The following DNAI3 variants were observed in gnomAD, a reference collection of about 807,000 sequenced individuals.
DNAI3 encodes dynein axonemal intermediate chain 3.
DNAI3 carries 83 observed loss-of-function variants against 115.5 expected under a neutral mutation model. The ratio of observed to expected loss-of-function variants is 0.72; its 90% CI spans 0.60 to 0.86. The LOEUF is 0.86. Among genes scored for constraint, DNAI3 ranks in the 40% least tolerant of loss-of-function variants. The pLI, the probability that DNAI3 is intolerant of heterozygous loss-of-function variation, is 0.00. For synonymous variants in DNAI3, 320 were observed against 347.0 expected (o/e 0.92, Z 0.86); for missense variants, 1,004 against 1,075.8 (o/e 0.93, Z 0.93).
intron 19 of DNAI3, among the ~76,000 whole-genome samples, chr1:85,124,458 A>G (rs1656074623): frequency 1.3e-5 from 2 of 152,162 alleles, no homozygotes. Context: ...GAGGGGAGAA[A>G]ACAGTTTACA....
intron 7 of DNAI3, among the ~76,000 whole-genome samples, chr1:85,089,745 G>A (rs975067045): frequency 9.9e-5 from 15 of 152,006 alleles, no homozygotes; most frequent in African/African-American, 3.6e-4. Flanking sequence ...GGTGGACACT[G>A]ACTTAGTGAA....
At position 85,085,897 on chromosome 1, in the gene DNAI3, G is replaced by T. The variant is rs1257427432; in HGVS notation, c.607G>T (p.Ala203Ser). Residue 203 changes from alanine to serine, a missense_variant, in exon 7 of 23, where the codon GCT becomes TCT. Ala to Ser is a moderately conservative substitution (Grantham distance 99). This residue lies in a region of DNAI3 where 550 missense variants were observed against 568.1 expected (regional missense o/e 0.97). Transcript: ENST00000294664. ...ACCAATTAAGTTCAGTGACCAGAAT[G>T]CTTCCAGTGTAAAAGATGCCTATAT... ...GAPIKFSDQN[A>S]SSVKDAYIEC... The T allele has an allele frequency of 1.9e-6, 3 of 1,614,190 alleles. No homozygotes were observed. Among genetic ancestry groups the T allele is most frequent in the Non-Finnish European group, 2.5e-6 (3 of 1,180,032 alleles).
chr1:85,072,400 T>G (rs566830110), intron 2 of DNAI3, among the ~76,000 whole-genome samples: 57 of 152,236 alleles, frequency 3.7e-4, no homozygotes, highest in African/African-American at 1.3e-3. Flanking sequence ...TCCCAGCACT[T>G]TGGGAGGCCG....
At chr1:85,110,761 A>G (rs1004563354) in intron 16 of DNAI3, among the ~76,000 whole-genome samples, 8 of 152,214 alleles carry the variant, frequency 5.3e-5, no homozygotes, top group African/African-American at 1.9e-4. Context: ...TACATGCTCA[A>G]AGAATAATGC....
At chr1:85,095,853 A>G in intron 10 of DNAI3, 78 bp from the exon 11 acceptor site, 1 of 1,374,406 alleles carries the variant, frequency 7.3e-7, no homozygotes, top group Non-Finnish European at 1.0e-6. Flanking sequence ...TAGACTTTTA[A>G]CTGTCTTAAT....
intron 5 of DNAI3, among the ~76,000 whole-genome samples, chr1:85,083,173 A>T (rs1654682992): frequency 6.6e-6 from 1 of 152,190 alleles, no homozygotes; most frequent in South Asian, 2.1e-4. Context: ...AAGCAATAAG[A>T]ATAAAGGGAA....
At chr1:85,106,492 A>G (rs952092465) in intron 14 of DNAI3, among the ~76,000 whole-genome samples, 1 of 152,240 alleles carries the variant, frequency 6.6e-6, no homozygotes, top group African/African-American at 2.4e-5. Flanking sequence ...AGATACACAA[A>G]TGGTCAATAA....
chr1:85,132,349 C>G (rs1378544328), intron 22 of DNAI3, among the ~76,000 whole-genome samples: 1 of 152,216 alleles, frequency 6.6e-6, no homozygotes, highest in Non-Finnish European at 1.5e-5. Flanking sequence ...GCACCTGTCT[C>G]TTTGCAAACA....
chr1:85,064,952 G>C (rs1295632430), intron 1 of DNAI3, among the ~76,000 whole-genome samples: 3 of 152,278 alleles, frequency 2.0e-5, no homozygotes, highest in Admixed American at 6.5e-5. Flanking sequence ...AGAATCGCTT[G>C]AACCCGGGAG....
At chr1:85,115,274 A>G (rs901520174) in intron 16 of DNAI3, among the ~76,000 whole-genome samples, 2 of 152,246 alleles carry the variant, frequency 1.3e-5, no homozygotes, top group Non-Finnish European at 2.9e-5. Flanking sequence ...AAGCTCTCAG[A>G]ATAGCACATA....
intron 3 of DNAI3, 50 bp downstream of exon 3, chr1:85,073,142 TA>T: frequency 7.4e-7 from 1 of 1,354,304 alleles, no homozygotes; most frequent in Non-Finnish European, 1.0e-6. Flanking sequence ...TATAATATTT[TA>T]ATAATGCAAT....
intron 7 of DNAI3, among the ~76,000 whole-genome samples, chr1:85,086,464 A>G (rs1183518414): frequency 1.3e-5 from 2 of 152,132 alleles, no homozygotes; most frequent in East Asian, 1.9e-4. Flanking sequence ...AGGATGGCAT[A>G]TGAGGTTCTC....
intron 8 of DNAI3, among the ~76,000 whole-genome samples, chr1:85,092,638 C>G (rs1410411705): frequency 6.6e-6 from 1 of 152,112 alleles, no homozygotes; most frequent in East Asian, 1.9e-4. Context: ...AGACTATTAG[C>G]AAATGATCCT....
chr1:85,081,151 A>G (rs1300103620), intron 3 of DNAI3, 83 bp from the exon 4 acceptor site: 64 of 1,168,800 alleles, frequency 5.5e-5, no homozygotes, highest in Middle Eastern at 2.9e-4. Context: ...GATAATTATT[A>G]AAACCAAGCG....
At chr1:85,101,467 G>C (rs893912348) in intron 13 of DNAI3, among the ~76,000 whole-genome samples, 1 of 152,124 alleles carries the variant, frequency 6.6e-6, no homozygotes, top group Non-Finnish European at 1.5e-5. Flanking sequence ...TCACACGCCT[G>C]TAATCCCAGC....
chr1:85,126,779 A>G, intron 20 of DNAI3, 64 bp downstream of exon 20: 1 of 1,566,188 alleles, frequency 6.4e-7, no homozygotes, highest in Non-Finnish European at 8.8e-7. Flanking sequence ...CTTGACATTC[A>G]TCTGAAAAGC....
chr1:85,099,853 G>C (rs1003621542), intron 13 of DNAI3, among the ~76,000 whole-genome samples: 2 of 152,040 alleles, frequency 1.3e-5, no homozygotes, highest in African/African-American at 4.8e-5. Context: ...ACAAACCTGA[G>C]AAAAACAAGC....
chr1:85,126,460 C>G lies in DNAI3; in HGVS notation c.2113-51C>G, dbSNP rs370603086. On this transcript the variant is annotated intron_variant, in intron 19 of 22. Coordinates refer to ENST00000294664, the MANE Select transcript of DNAI3 (RefSeq NM_145172.5). ...AATGAACAGCATGGTGAATTTCCCT[C>G]AGATAATAACAAAATCTTCTTTATT... 2.6e-6 allele frequency: 4 copies of G among 1,542,286 alleles called. No homozygotes were observed. The African/African-American group carries it at 5.5e-5, about 21-fold the overall frequency.
chr1:85,084,952 G>T (rs1654755207), intron 6 of DNAI3, among the ~76,000 whole-genome samples: 1 of 152,186 alleles, frequency 6.6e-6, no homozygotes, highest in African/African-American at 2.4e-5. Context: ...TAGGGTCATT[G>T]CAGGTATAGC....
Sources: gnomAD v4.1 joint callset for allele counts (sites outside exome capture counted in the v4.1 genomes callset) on GRCh38, gnomAD v4.1.1 for gene constraint, gnomAD v4.1.1 regional missense constraint, MANE v1.5 for transcripts, NCBI Gene and HGNC (gene_info 2026-07-23, HGNC 2026-07-21) for gene names.